Variants in TIAL1 observed in about 807,000 individuals in gnomAD.
TIAL1 encodes nucleolysin TIAR.
In TIAL1, 7 loss-of-function variants were observed where a neutral mutation model predicts 59.7. The observed-to-expected ratio is 0.12, with a 90% confidence interval of 0.07 to 0.22. The LOEUF is 0.22. Among genes scored for constraint, TIAL1 ranks in the 10% least tolerant of loss-of-function variants. The probability of loss-of-function intolerance (pLI) is 1.00; values close to 1 mark genes in which losing one functional copy is unlikely to be tolerated. For missense variants in TIAL1, 225 were observed against 462.5 expected (o/e 0.49, Z 4.71); for synonymous variants, 149 against 146.3 (o/e 1.02, Z -0.13).
In TIAL1 at chr10:119,582,329, C is replaced by T. The variant is rs1564737117; in HGVS notation, c.229-106G>A. The T allele has an allele frequency of 6.1e-6, 9 of 1,478,218 alleles. No individual in the cohort carries two copies. The highest frequency in any genetic ancestry group is 8.2e-6 in the Non-Finnish European group (9 of 1,099,558). The allele number at this position is 1,478,218 out of a possible 1,614,324, so 91.6% of individuals were successfully genotyped here. On this transcript the variant is annotated intron_variant, in intron 3 of 11. Coordinates refer to ENST00000436547, the MANE Select transcript of TIAL1 (RefSeq NM_003252.4). This position sits in a 1 kb window ranked among gnomAD's most constrained non-coding sequence, Gnocchi z 5.1. ...AAGCAGGGTTATTTTTGTAAAAGCA[C>T]TAAGCTGAATAAAGCAAAACCATCA...
intron 7 of TIAL1, among the ~76,000 whole-genome samples, chr10:119,578,009 G>A (rs990780988): frequency 2.6e-5 from 4 of 151,790 alleles, no homozygotes; most frequent in African/African-American, 9.7e-5. Context: ...GGTGGATCAC[G>A]AGGTCACGAG....
intron 2 of TIAL1, among the ~76,000 whole-genome samples, chr10:119,584,957 T>TA (rs888010311): frequency 2.0e-5 from 3 of 148,808 alleles, no homozygotes; most frequent in African/African-American, 7.5e-5. Context: ...ATACAAAAAA[T>TA]AAAAAAATAA....
chr10:119,589,931 C>T (rs917444266), intron 1 of TIAL1, among the ~76,000 whole-genome samples: 2 of 152,052 alleles, frequency 1.3e-5, no homozygotes, highest in African/African-American at 4.8e-5. Flanking sequence ...TAATATATTA[C>T]ATCTGGAAAC....
At chr10:119,579,225 C>CTGA (rs1449578942) in intron 6 of TIAL1, among the ~76,000 whole-genome samples, 1 of 152,068 alleles carries the variant, frequency 6.6e-6, no homozygotes, top group East Asian at 1.9e-4. Flanking sequence ...GTAATCCCAG[C>CTGA]TACTCAGGAG....
chr10:119,577,440 T>C lies in TIAL1; in HGVS notation c.737+11A>G, dbSNP rs1845058504. The C allele has an allele frequency of 1.3e-6, 2 of 1,599,910 alleles. No individual in the cohort carries two copies. Among genetic ancestry groups the C allele is most frequent in the South Asian group, 1.1e-5 (1 of 90,294 alleles). On this transcript the variant is annotated intron_variant, in intron 9 of 11. Coordinates refer to ENST00000436547, the MANE Select transcript of TIAL1 (RefSeq NM_003252.4). ...ATAAGAGTAATAATGATATTTCAAG[T>C]AGAGTGTTACCTGACAAATGAATAG...
chr10:119,588,927 AAC>A (rs931589037), intron 1 of TIAL1, among the ~76,000 whole-genome samples: 2 of 152,226 alleles, frequency 1.3e-5, no homozygotes, highest in South Asian at 2.1e-4. Context: ...AATAATTTAT[AAC>A]ACACACACAC....
chr10:119,579,252 C>A (rs542273134), intron 6 of TIAL1, among the ~76,000 whole-genome samples: 1 of 152,228 alleles, frequency 6.6e-6, no homozygotes, highest in East Asian at 1.9e-4. Context: ...GCAGCGCGAT[C>A]GCTTGAACCC....
chr10:119,578,660 G>C (rs1845150187), intron 7 of TIAL1, 66 bp downstream of exon 7: 18 of 1,337,276 alleles, frequency 1.3e-5, no homozygotes, highest in East Asian at 2.3e-5. Context: ...ATTGAGACTA[G>C]ATGAATACAT....
Position 119,579,761 on chromosome 10 carries a change from G to A in TIAL1, c.447+174C>T, listed in dbSNP as rs560008048. The stretch of plus-strand genomic sequence containing the variant: ...ATTCTTTTTCTAGCTATTTATTTTC[G>A]AGTTTATGAAAGAGGAATGAAATTA... On this transcript the variant is annotated intron_variant, in intron 6 of 11. Coordinates refer to ENST00000436547, the MANE Select transcript of TIAL1 (RefSeq NM_003252.4). Among the ~76,000 whole-genome samples the A allele has an allele frequency of 3.3e-5, 5 of 151,700 alleles. No individual in the cohort carries two copies. The South Asian group carries it at 1.1e-3, about 32-fold the overall frequency.
intron 2 of TIAL1, among the ~76,000 whole-genome samples, chr10:119,583,748 T>C (rs1845406180): frequency 6.6e-6 from 1 of 152,050 alleles, no homozygotes; most frequent in Non-Finnish European, 1.5e-5. Context: ...GGCATTTCCT[T>C]GAGGGAAAAA....
In TIAL1 at chr10:119,591,630, G is replaced by A. The variant is rs1467974293; in HGVS notation, c.33-3382C>T. On this transcript the variant is annotated intron_variant, in intron 1 of 11. Transcript: ENST00000436547. ...AAATTATCTCCACTAAAAGTTAAATGTTAAGCAGCAAACTAAATTTCAAAA... is the reference window on the plus strand; with the variant it reads ...AAATTATCTCCACTAAAAGTTAAATATTAAGCAGCAAACTAAATTTCAAAA... Among the ~76,000 whole-genome samples, 3 of 152,254 alleles carry A rather than the reference G, an allele frequency of 2.0e-5. No homozygotes were observed. In the East Asian group the frequency reaches 5.8e-4, roughly 29 times the overall value.
In TIAL1 at chr10:119,588,147, C is replaced by A; in HGVS notation, c.129+5G>T. The A allele has an allele frequency of 6.5e-7, 1 of 1,534,206 alleles. No individual in the cohort carries two copies. The highest frequency in any genetic ancestry group is 1.3e-5 in the South Asian group (1 of 78,674). On this transcript the variant is annotated splice_donor_5th_base_variant and intron_variant, in intron 2 of 11. Transcript: ENST00000436547. ...TGTCAGCACATGGAACTGGGAAGAT[C>A]TTACCTCTGTTATCATTTTACAGCT... is the stretch of plus-strand genomic sequence containing the variant.
intron 5 of TIAL1, chr10:119,580,930 G>GA: frequency 1.5e-6 from 1 of 651,350 alleles, no homozygotes; most frequent in Non-Finnish European, 2.1e-6. Flanking sequence ...AATAAAGATT[G>GA]AAAAACAGCA....
intron 1 of TIAL1, among the ~76,000 whole-genome samples, chr10:119,589,857 A>G (rs1845762271): frequency 6.6e-6 from 1 of 152,226 alleles, no homozygotes. Flanking sequence ...AACCTCATAA[A>G]CCAAACAATA....
intron 1 of TIAL1, 149 bp from the exon 2 acceptor site, chr10:119,588,397 G>A (rs1002022855): frequency 4.3e-5 from 20 of 463,700 alleles, no homozygotes; most frequent in African/African-American, 3.6e-4. Context: ...AGGCTGGAGT[G>A]CAATGGCATG....
chr10:119,592,721 G>A (rs542329143), intron 1 of TIAL1, among the ~76,000 whole-genome samples: 2 of 152,094 alleles, frequency 1.3e-5, no homozygotes, highest in East Asian at 3.9e-4. Context: ...GATAGCTGCA[G>A]GAGGTACAAC....
At chr10:119,590,742 G>GAGAC (rs1442368552) in intron 1 of TIAL1, among the ~76,000 whole-genome samples, 2 of 129,550 alleles carry the variant, frequency 1.5e-5, no homozygotes, top group Non-Finnish European at 3.4e-5. Flanking sequence ...GAGAGAAAGA[G>GAGAC]AGAGAGACAG....
chr10:119,595,890 TAAAG>T lies in TIAL1; in HGVS notation c.32+540_32+543del, dbSNP rs1353871465. 2.0e-5 allele frequency among the ~76,000 whole-genome samples: 3 copies of T among 152,032 alleles called. No homozygotes were observed. The South Asian group carries it at 6.3e-4, about 32-fold the overall frequency. ...AGCGTGGGCGGGGGCACGTGGGGCATAAAGAGAGAAGGGGCTTGAGTGGTGAAAG... is the reference window on the plus strand; with the variant it reads ...AGCGTGGGCGGGGGCACGTGGGGCATAGAGAAGGGGCTTGAGTGGTGAAAG... On this transcript the variant is annotated intron_variant, in intron 1 of 11. Coordinates refer to ENST00000436547, the MANE Select transcript of TIAL1 (RefSeq NM_003252.4).
intron 5 of TIAL1, chr10:119,580,434 T>C: frequency 2.2e-6 from 2 of 909,052 alleles, no homozygotes; most frequent in Non-Finnish European, 2.7e-6. Flanking sequence ...ATTAAAAAAT[T>C]GAAAAAGAGG....
Sources: gnomAD v4.1 joint callset for allele counts (sites outside exome capture counted in the v4.1 genomes callset) on GRCh38, gnomAD v4.1.1 for gene constraint, Gnocchi (gnomAD v3.1) non-coding constraint, MANE v1.5 for transcripts, NCBI Gene and HGNC (gene_info 2026-07-23, HGNC 2026-07-21) for gene names.